The following GALNT18 variants were observed in gnomAD, a reference collection of about 807,000 sequenced individuals.
The protein encoded by GALNT18 is polypeptide N-acetylgalactosaminyltransferase 18.
GALNT18 carries 44 observed loss-of-function variants against 69.5 expected under a neutral mutation model. The observed-to-expected ratio is 0.63, with a 90% CI of 0.50 to 0.81. The LOEUF (loss-of-function observed/expected upper bound fraction) is 0.81. Ranked by LOEUF, GALNT18 falls within the 40% of genes least tolerant of loss-of-function variation. The pLI is 0.00. For missense variants in GALNT18, 715 were observed against 810.0 expected (o/e 0.88, Z 1.42); for synonymous variants, 364 against 318.2 (o/e 1.14, Z -1.53).
chr11:11,607,758 G>C (rs1859789735), intron 1 of GALNT18, among the ~76,000 whole-genome samples: 1 of 152,116 alleles, frequency 6.6e-6, no homozygotes, highest in South Asian at 2.1e-4. Context: ...AGTTAGAAGA[G>C]AGGGAAAAAT....
chr11:11,544,935 C>A (rs1339848229), intron 1 of GALNT18, among the ~76,000 whole-genome samples: 1 of 152,230 alleles, frequency 6.6e-6, no homozygotes, highest in African/African-American at 2.4e-5. Flanking sequence ...GGGATAGGAT[C>A]CCTGCTCTAC....
intron 1 of GALNT18, among the ~76,000 whole-genome samples, chr11:11,577,830 G>A (rs1424942247): frequency 2.6e-5 from 4 of 152,330 alleles, no homozygotes; most frequent in South Asian, 2.1e-4. Flanking sequence ...AAGACAGGGC[G>A]TGGGTGGTTA....
At position 11,543,929 on chromosome 11, in the gene GALNT18, A is replaced by G. The variant is rs1243703449; in HGVS notation, c.235+77430T>C. 6.6e-6 allele frequency among the ~76,000 whole-genome samples: 1 copy of G among 152,270 alleles called. No individual in the cohort carries two copies. The highest frequency in any genetic ancestry group is 1.5e-5 in the Non-Finnish European group (1 of 68,050). ...ACTTCCTCACTCCAGGCCCAAGCCA[A>G]GAAACATGAACAATAAAAAGCCAGT... On this transcript the variant is annotated intron_variant, in intron 1 of 10. Transcript: ENST00000227756. This position sits in a 1 kb window ranked among gnomAD's most constrained non-coding sequence, Gnocchi z 5.1.
chr11:11,309,199 T>A lies in GALNT18; in HGVS notation c.1513-16006A>T, dbSNP rs1156463497. Among the ~76,000 whole-genome samples, 1 of 152,194 alleles carries A rather than the reference T, an allele frequency of 6.6e-6. No individual in the cohort carries two copies. Among genetic ancestry groups the A allele is most frequent in the Non-Finnish European group, 1.5e-5 (1 of 68,032 alleles). On this transcript the variant is annotated intron_variant, in intron 9 of 10. Coordinates refer to ENST00000227756, the MANE Select transcript of GALNT18 (RefSeq NM_198516.3). The surrounding 1 kb of genome is among the most constrained non-coding windows in gnomAD (Gnocchi z 4.6). ...TTCTTTCTACACTTCCACCATGGGA[T>A]GACACCACAAGAAGGCCCTCACCGG...
At position 11,605,501 on chromosome 11, in the gene GALNT18, C is replaced by G. The variant is rs534584539; in HGVS notation, c.235+15858G>C. On this transcript the variant is annotated intron_variant, in intron 1 of 10. Transcript: ENST00000227756. This position sits in a 1 kb window ranked among gnomAD's most constrained non-coding sequence, Gnocchi z 4.7. ...AGTCCATTCTGAGGTTCTCACAGAC[C>G]TCGGGGTGAACAGGAGGCCCTCTGT... Among the ~76,000 whole-genome samples, 1 of 152,292 alleles carries G rather than the reference C, an allele frequency of 6.6e-6. No homozygotes were observed. Among genetic ancestry groups the G allele is most frequent in the East Asian group, 1.9e-4 (1 of 5,182 alleles).
At chr11:11,554,395 C>T (rs1858278999) in intron 1 of GALNT18, among the ~76,000 whole-genome samples, 1 of 150,500 alleles carries the variant, frequency 6.6e-6, no homozygotes. Context: ...GCCTCAGGGA[C>T]ACCTGTAATC....
intron 9 of GALNT18, among the ~76,000 whole-genome samples, chr11:11,303,312 C>G (rs1467869094): frequency 6.6e-6 from 1 of 152,204 alleles, no homozygotes; most frequent in Non-Finnish European, 1.5e-5. Flanking sequence ...CCCAGCAGCA[C>G]TGGCACCAGC....
At chr11:11,273,396 AAC>A (rs1320586973) in intron 10 of GALNT18, among the ~76,000 whole-genome samples, 1 of 152,234 alleles carries the variant, frequency 6.6e-6, no homozygotes, top group African/African-American at 2.4e-5. Context: ...AAAAGATCTG[AAC>A]AGACATTCCA....
intron 9 of GALNT18, among the ~76,000 whole-genome samples, chr11:11,294,947 G>A (rs1237007071): frequency 6.6e-6 from 1 of 152,204 alleles, no homozygotes. Context: ...AGAATATTCA[G>A]GGTGTTCTCT....
intron 10 of GALNT18, among the ~76,000 whole-genome samples, chr11:11,279,105 G>C (rs1342901902): frequency 6.6e-6 from 1 of 151,888 alleles, no homozygotes; most frequent in Non-Finnish European, 1.5e-5. Flanking sequence ...TCTCCGCTCT[G>C]AGTCTACACG....
intron 1 of GALNT18, among the ~76,000 whole-genome samples, chr11:11,504,071 G>A (rs1215780729): frequency 6.6e-6 from 1 of 152,192 alleles, no homozygotes; most frequent in Non-Finnish European, 1.5e-5. Flanking sequence ...ACACTGAATA[G>A]GTTTCCTTCT....
chr11:11,538,784 C>T lies in GALNT18; in HGVS notation c.235+82575G>A, dbSNP rs1241962036. 1.3e-5 allele frequency among the ~76,000 whole-genome samples: 2 copies of T among 152,140 alleles called. No homozygotes were observed. Among genetic ancestry groups the T allele is most frequent in the African/African-American group, 2.4e-5 (1 of 41,448 alleles). On this transcript the variant is annotated intron_variant, in intron 1 of 10. Coordinates refer to ENST00000227756, the MANE Select transcript of GALNT18 (RefSeq NM_198516.3). This position sits in a 1 kb window ranked among gnomAD's most constrained non-coding sequence, Gnocchi z 5.2. ...GCACCTGGCCCCAGGGCCTGCACATCGCAGGCCCGCTGATCTCCTTACTCC... is the reference window on the plus strand; with the variant it reads ...GCACCTGGCCCCAGGGCCTGCACATTGCAGGCCCGCTGATCTCCTTACTCC...
chr11:11,300,630 G>T (rs1564886639), intron 9 of GALNT18, among the ~76,000 whole-genome samples: 1 of 152,180 alleles, frequency 6.6e-6, no homozygotes, highest in Non-Finnish European at 1.5e-5. Context: ...TTTACGATTG[G>T]ACGGTTGGCA....
At chr11:11,299,877 A>G (rs1158095820) in intron 9 of GALNT18, among the ~76,000 whole-genome samples, 3 of 152,244 alleles carry the variant, frequency 2.0e-5, no homozygotes, top group African/African-American at 4.8e-5. Context: ...TTAAAGAACT[A>G]AAAGTGGAAC....
chr11:11,462,969 C>G (rs1590024953), intron 1 of GALNT18, among the ~76,000 whole-genome samples: 1 of 152,186 alleles, frequency 6.6e-6, no homozygotes, highest in Admixed American at 6.5e-5. Context: ...CAAACCTCCT[C>G]TCTCAGAGAC....
At chr11:11,514,700 C>T (rs1285129395) in intron 1 of GALNT18, among the ~76,000 whole-genome samples, 2 of 152,188 alleles carry the variant, frequency 1.3e-5, no homozygotes, top group Non-Finnish European at 2.9e-5. Context: ...CAGCTGCTTC[C>T]ATCTGGCTGC....
At chr11:11,442,008 C>A (rs758905898) in intron 2 of GALNT18, among the ~76,000 whole-genome samples, 1 of 152,172 alleles carries the variant, frequency 6.6e-6, no homozygotes, top group Non-Finnish European at 1.5e-5. Context: ...AACTTGGTGG[C>A]TTACAACAAC....
At chr11:11,426,302 A>T (rs6484900) in intron 3 of GALNT18, among the ~76,000 whole-genome samples, 76,767 of 152,094 alleles carry the variant, frequency 0.5, 21,788 homozygotes, top group East Asian at 0.81. Flanking sequence ...CCAGGAAGAA[A>T]CACTCCACCC....
chr11:11,283,947 T>C (rs893099457), intron 10 of GALNT18, among the ~76,000 whole-genome samples: 1 of 151,806 alleles, frequency 6.6e-6, no homozygotes, highest in Non-Finnish European at 1.5e-5. Flanking sequence ...TCTCCAAGCC[T>C]AATTCCTCCT....
Sources: allele counts gnomAD v4.1 joint callset (sites outside exome capture counted in the v4.1 genomes callset), GRCh38; gene constraint gnomAD v4.1.1; non-coding constraint Gnocchi (gnomAD v3.1); transcripts MANE v1.5; gene names NCBI Gene and HGNC (gene_info 2026-07-23, HGNC 2026-07-21).